Variants in TAFA2 observed in about 807,000 individuals in gnomAD.
The protein encoded by TAFA2 is chemokine-like protein TAFA-2.
TAFA2 carries 7 observed loss-of-function variants against 18.8 expected under a neutral mutation model. The ratio of observed to expected loss-of-function variants is 0.37; its 90% CI spans 0.21 to 0.70. TAFA2 has a LOEUF of 0.70. Ranked by LOEUF, TAFA2 falls within the 30% of genes least tolerant of loss-of-function variation. The probability of loss-of-function intolerance (pLI) is 0.53; values close to 1 mark genes in which losing one functional copy is unlikely to be tolerated. For missense variants in TAFA2, 122 were observed against 158.1 expected, an observed-to-expected ratio of 0.77 and a Z score of 1.23; for synonymous variants, 60 against 54.2, an observed-to-expected ratio of 1.11 and a Z score of -0.47.
intron 1 of TAFA2, among the ~76,000 whole-genome samples, chr12:62,206,552 G>A (rs2062692478): frequency 6.7e-6 from 1 of 148,678 alleles, no homozygotes; most frequent in Non-Finnish European, 1.5e-5. Context: ...TTTTGAGACA[G>A]GTTCTCACTC....
intron 2 of TAFA2, among the ~76,000 whole-genome samples, chr12:61,769,638 TAACA>T (rs1869941041): frequency 1.3e-5 from 2 of 151,708 alleles, no homozygotes; most frequent in South Asian, 4.2e-4. Flanking sequence ...GGAAGAGAAA[TAACA>T]ATCACTGCAG....
At chr12:61,911,792 G>A (rs776278884) in intron 1 of TAFA2, among the ~76,000 whole-genome samples, 30 of 152,116 alleles carry the variant, frequency 2.0e-4, no homozygotes, top group African/African-American at 5.3e-4. Context: ...GCTTGAGAAG[G>A]TGAAACATCA....
intron 1 of TAFA2, among the ~76,000 whole-genome samples, chr12:62,250,612 G>C (rs1020512594): frequency 5.3e-5 from 8 of 151,996 alleles, no homozygotes; most frequent in African/African-American, 1.9e-4. Context: ...TTATGTCTTT[G>C]AATATTGCCT....
intron 1 of TAFA2, among the ~76,000 whole-genome samples, chr12:62,052,456 T>G (rs1882082216): frequency 6.6e-6 from 1 of 152,194 alleles, no homozygotes; most frequent in Non-Finnish European, 1.5e-5. Context: ...CCTCCCAAAG[T>G]GCTGGAAATA....
intron 1 of TAFA2, among the ~76,000 whole-genome samples, chr12:61,925,557 TACCAGAATCTCTGAA>T (rs1394997836): frequency 6.6e-6 from 1 of 152,182 alleles, no homozygotes; most frequent in South Asian, 2.1e-4. Context: ...AGACACAATG[TACCAGAATCTCTGAA>T]ACCAGAATCT....
At chr12:62,019,984 C>A (rs1881076043) in intron 1 of TAFA2, among the ~76,000 whole-genome samples, 1 of 152,110 alleles carries the variant, frequency 6.6e-6, no homozygotes, top group Non-Finnish European at 1.5e-5. Context: ...CAGACTACCT[C>A]ACTATAAATA....
intron 1 of TAFA2, among the ~76,000 whole-genome samples, chr12:62,060,183 G>A (rs923248273): frequency 2.6e-5 from 4 of 152,168 alleles, no homozygotes; most frequent in Non-Finnish European, 5.9e-5. Context: ...TTTGTCTCCT[G>A]TCCTCTGCCC....
chr12:62,072,993 C>T (rs1882671725), intron 1 of TAFA2, among the ~76,000 whole-genome samples: 1 of 152,186 alleles, frequency 6.6e-6, no homozygotes, highest in Non-Finnish European at 1.5e-5. Flanking sequence ...GTTCTTGTTC[C>T]CATCTAAAGC....
At chr12:61,788,371 T>C (rs550192563) in intron 2 of TAFA2, among the ~76,000 whole-genome samples, 2 of 151,854 alleles carry the variant, frequency 1.3e-5, no homozygotes, top group East Asian at 3.9e-4. Context: ...TAGATATTTA[T>C]AGAACATTTC....
In TAFA2 at chr12:61,931,750, G is replaced by A. The variant is rs539288749; in HGVS notation, c.-1-64324C>T. On this transcript the variant is annotated intron_variant, in intron 1 of 4. Transcript: ENST00000416284. ...AGGCTTCTGTTTTAAAATGTGCTGTGGGCTTATATAGCAACTTTATCAGAT... is the reference window on the plus strand; with the variant it reads ...AGGCTTCTGTTTTAAAATGTGCTGTAGGCTTATATAGCAACTTTATCAGAT... Among the ~76,000 whole-genome samples the A allele has an allele frequency of 5.3e-5, 8 of 152,168 alleles. No homozygotes were observed. The East Asian group carries it at 1.5e-3, about 29-fold the overall frequency.
intron 2 of TAFA2, among the ~76,000 whole-genome samples, chr12:61,773,757 G>T (rs1870133123): frequency 6.6e-6 from 1 of 151,938 alleles, no homozygotes; most frequent in South Asian, 2.1e-4. Context: ...AATTCTAGAA[G>T]AAAACATTGG....
intron 1 of TAFA2, among the ~76,000 whole-genome samples, chr12:62,203,276 G>A (rs1480279968): frequency 6.6e-6 from 1 of 152,236 alleles, no homozygotes; most frequent in African/African-American, 2.4e-5. Flanking sequence ...TAAGTTTAGA[G>A]TAAGCGCCAT....
intron 1 of TAFA2, among the ~76,000 whole-genome samples, chr12:62,149,364 G>A (rs1399760467): frequency 6.6e-6 from 1 of 152,002 alleles, no homozygotes; most frequent in African/African-American, 2.4e-5. Context: ...TTCCTCAGAG[G>A]TATCATAGGA....
At chr12:61,789,924 C>T (rs745839132) in intron 2 of TAFA2, among the ~76,000 whole-genome samples, 3 of 151,780 alleles carry the variant, frequency 2.0e-5, no homozygotes, top group Non-Finnish European at 1.5e-5. Flanking sequence ...AGGAAAACTA[C>T]AGGCCAATAT....
intron 1 of TAFA2, among the ~76,000 whole-genome samples, chr12:62,068,973 C>A (rs930379412): frequency 6.6e-6 from 1 of 152,142 alleles, no homozygotes; most frequent in Non-Finnish European, 1.5e-5. Context: ...AAATTTTCTC[C>A]ATGTTCTTAA....
chr12:61,824,771 G>A (rs928682336), intron 2 of TAFA2, among the ~76,000 whole-genome samples: 5 of 152,136 alleles, frequency 3.3e-5, no homozygotes, highest in South Asian at 4.1e-4. Flanking sequence ...ACTGCAGAAA[G>A]TGCTCTGGGG....
At chr12:61,766,680 G>C (rs1048925243) in intron 2 of TAFA2, among the ~76,000 whole-genome samples, 3 of 152,012 alleles carry the variant, frequency 2.0e-5, no homozygotes, top group African/African-American at 7.2e-5. Context: ...CACAGTTTGA[G>C]AGCCAAAATA....
Position 61,867,514 on chromosome 12 carries a change from T to C in TAFA2, c.-1-88A>G, listed in dbSNP as rs534826612. The C allele has an allele frequency of 1.0e-3, 738 of 732,324 alleles. 3 individuals carry two copies. The highest frequency in any genetic ancestry group is 4.6e-4 in the Non-Finnish European group (198 of 434,108). The allele number at this position is 732,324 out of a possible 1,614,324, so 45.4% of individuals were successfully genotyped here. A position where few individuals can be genotyped will look rare whatever the true frequency, so the allele number is the denominator to read the frequency against. On this transcript the variant is annotated intron_variant, in intron 1 of 4. Transcript: ENST00000416284. ...GTGCTACATGTAAAGCCTTCCACTA[T>C]ACTTTAACCCCTTCAACTTCTGAAA...
At chr12:61,803,349 C>G (rs533989596) in intron 2 of TAFA2, among the ~76,000 whole-genome samples, 2 of 151,860 alleles carry the variant, frequency 1.3e-5, no homozygotes, top group South Asian at 4.2e-4. Context: ...TCATTGATGG[C>G]AATGTTATAA....
Sources: gnomAD v4.1 joint callset for allele counts (sites outside exome capture counted in the v4.1 genomes callset) on GRCh38, gnomAD v4.1.1 for gene constraint, MANE v1.5 for transcripts, NCBI Gene and HGNC (gene_info 2026-07-23, HGNC 2026-07-21) for gene names.